The following ABCB9 variants were observed in gnomAD, a reference collection of about 807,000 sequenced individuals.
ABCB9 encodes the protein ATP binding cassette subfamily B member 9.
Under a neutral mutation model 62.0 loss-of-function variants are expected in ABCB9, and 36 were observed. The ratio of observed to expected loss-of-function variants is 0.58; its 90% CI spans 0.45 to 0.77. The LOEUF is 0.77. ABCB9 is among the 30% of genes least tolerant of loss of function. The probability of loss-of-function intolerance (pLI) is 0.00; values close to 1 mark genes in which losing one functional copy is unlikely to be tolerated. For synonymous variants in ABCB9, 435 were observed against 461.4 expected, an observed-to-expected ratio of 0.94 and a Z score of 0.73; for missense variants, 943 against 1,054.7, an observed-to-expected ratio of 0.89 and a Z score of 1.47.
At chr12:122,920,423 A>G (rs1593944918), downstream of ABCB9, among the ~76,000 whole-genome samples, 3 of 151,796 alleles carry the variant, frequency 2.0e-5, no homozygotes, top group East Asian at 5.8e-4. Context: ...ATAAGCCTAT[A>G]AACCTGTCCC....
Position 122,940,385 on chromosome 12 carries a change from C to T in ABCB9, c.1570-101G>A. On this transcript the variant is annotated intron_variant, in intron 8 of 11. Coordinates refer to ENST00000280560, the MANE Select transcript of ABCB9 (RefSeq NM_019625.4). This position sits in a 1 kb window ranked among gnomAD's most constrained non-coding sequence, Gnocchi z 4.8. ...GGTGGGTGCCCTTCCCAGCCCACCC[C>T]ATGTGCCTCTCCCTCGCTTGGGCAC... 1.4e-6 allele frequency: 2 copies of T among 1,381,910 alleles called. No individual in the cohort carries two copies. The highest frequency in any genetic ancestry group is 2.0e-6 in the Non-Finnish European group (2 of 1,025,474). The allele number at this position is 1,381,910 out of a possible 1,614,324, so 85.6% of individuals were successfully genotyped here. A position where few individuals can be genotyped will look rare whatever the true frequency, so the allele number is the denominator to read the frequency against.
At position 122,953,971 on chromosome 12, in the gene ABCB9, G is replaced by A. The variant is rs145177620; in HGVS notation, c.602-3406C>T. On this transcript the variant is annotated intron_variant, in intron 2 of 11. Transcript: ENST00000280560. Reference sequence around the variant, plus strand: ...GAGGCTCAGAGAGATTAAGTCACTTGCCCAAGTTTATACATTTGGTTTGCC... The same window carrying A: ...GAGGCTCAGAGAGATTAAGTCACTTACCCAAGTTTATACATTTGGTTTGCC... 1.2e-3 allele frequency among the ~76,000 whole-genome samples: 180 copies of A among 152,264 alleles called. 1 individual carries two copies. The highest frequency in any genetic ancestry group is 3.8e-3 in the Admixed American group (58 of 15,288).
At chr12:122,956,566 G>A (rs1594058903) in intron 2 of ABCB9, among the ~76,000 whole-genome samples, 1 of 152,190 alleles carries the variant, frequency 6.6e-6, no homozygotes, top group Non-Finnish European at 1.5e-5. Flanking sequence ...TGTCACTCAG[G>A]CTGGAGTGCA....
chr12:122,953,874 G>A (rs2036488961), intron 2 of ABCB9, among the ~76,000 whole-genome samples: 1 of 152,110 alleles, frequency 6.6e-6, no homozygotes, highest in African/African-American at 2.4e-5. Flanking sequence ...AGGCCACCCA[G>A]TAATCCTATA....
At position 122,943,922 on chromosome 12, in the gene ABCB9, C is replaced by T. The variant is rs142290400; in HGVS notation, c.1380+469G>A. Reference sequence around the variant, plus strand: ...TCCTGAGGACCTGGGATTACAGGCACATGCCACCATACTCGGCTTGCCTAT... The same window carrying T: ...TCCTGAGGACCTGGGATTACAGGCATATGCCACCATACTCGGCTTGCCTAT... On this transcript the variant is annotated intron_variant, in intron 7 of 11. Transcript: ENST00000280560. 6.1e-3 allele frequency among the ~76,000 whole-genome samples: 922 copies of T among 152,130 alleles called. 13 individuals are homozygous for T. Among genetic ancestry groups the T allele is most frequent in the South Asian group, 0.041 (198 of 4,816 alleles).
In ABCB9 at chr12:122,964,236, C is replaced by T. The variant is rs902291507; in HGVS notation, c.-88+2051G>A. The stretch of plus-strand genomic sequence containing the variant: ...CAGGGGCTTGGCTGACTCTCCCAAC[C>T]TGACTCCCAGCCTCTGGGGGAATTC... On this transcript the variant is annotated intron_variant, in intron 1 of 11. Transcript: ENST00000280560. This position sits in a 1 kb window ranked among gnomAD's most constrained non-coding sequence, Gnocchi z 4.7. 6.6e-6 allele frequency among the ~76,000 whole-genome samples: 1 copy of T among 152,222 alleles called. No homozygotes were observed. Among genetic ancestry groups the T allele is most frequent in the African/African-American group, 2.4e-5 (1 of 41,450 alleles).
At position 122,932,269 on chromosome 12, in the gene ABCB9, G is replaced by A. The variant is rs1230235878; in HGVS notation, c.1963C>T (p.Arg655Trp). 6.4e-6 allele frequency: 10 copies of A among 1,551,492 alleles called. No homozygotes were observed. Among genetic ancestry groups the A allele is most frequent in the South Asian group, 3.6e-5 (3 of 84,046 alleles). ...GGQKQRVAMA[R>W]ALVRNPPVLI... ...ACTGGGGGGTTCCGCACCAGAGCCC[G>A]GGCCATGGCCACCCGCTGCTTCTGG... The change falls in exon 11 of 12, where the codon CGG (arginine) becomes TGG (tryptophan). Residue 655 changes from arginine (R) to tryptophan (W), a missense_variant. Coordinates refer to ENST00000280560, the MANE Select transcript of ABCB9 (RefSeq NM_019625.4). The surrounding 1 kb of genome is among the most constrained non-coding windows in gnomAD (Gnocchi z 4.7).
In ABCB9 at chr12:122,944,444, C is replaced by T. The variant is rs147318444; in HGVS notation, c.1327G>A (p.Gly443Ser). ...HLVISGQMTS[G>S]NLIAFIIYEF... is the part of the protein sequence containing the mutation. ...TAGATGATGAAGGCGATGAGGTTGC[C>T]GCTGGTCATCTGGCCTGAGATGACA... Residue 443 changes from glycine (G) to serine (S), a missense_variant, in exon 7 of 12, where the codon GGC becomes AGC. Physicochemically the swap from Gly to Ser is moderately conservative, Grantham distance 56. Transcript: ENST00000280560. This position sits in a 1 kb window ranked among gnomAD's most constrained non-coding sequence, Gnocchi z 4.9. 174 of 1,614,008 alleles carry T rather than the reference C, an allele frequency of 1.1e-4. No individual in the cohort carries two copies. In the Middle Eastern group the frequency reaches 1.2e-3, roughly 11 times the overall value.
Position 122,929,716 on chromosome 12 carries a change from G to A in ABCB9, c.*195C>T, listed in dbSNP as rs764321064. 1.5e-6 allele frequency: 2 copies of A among 1,346,736 alleles called. No individual in the cohort carries two copies. Among genetic ancestry groups the A allele is most frequent in the Admixed American group, 3.1e-5 (1 of 32,596 alleles). 83.4% of individuals were successfully genotyped at this position (1,346,736 alleles called of 1,614,324 possible). ...TCCGTGAAGGCGTTGGCTCAGGGCA[G>A]CAGGGGTAAGGAGTGCCCTGGGAAT... On this transcript the variant is annotated 3_prime_UTR_variant, in exon 12 of 12. Transcript: ENST00000280560. This position sits in a 1 kb window ranked among gnomAD's most constrained non-coding sequence, Gnocchi z 6.0.
At chr12:122,939,286 G>C (rs2035616782) in intron 9 of ABCB9, among the ~76,000 whole-genome samples, 1 of 152,218 alleles carries the variant, frequency 6.6e-6, no homozygotes, top group Admixed American at 6.5e-5. Flanking sequence ...TCTGTCCCCA[G>C]CCTCAACCTG....
Position 122,973,608 on chromosome 12 carries a change from AAC to A in ABCB9, c.-88+1105_-88+1106del, listed in dbSNP as rs1491082431. Among the ~76,000 whole-genome samples the A allele has an allele frequency of 3.2e-3, 419 of 132,990 alleles. 7 individuals carry two copies. The highest frequency in any genetic ancestry group is 8.1e-3 in the Middle Eastern group (2 of 246). 87.2% of individuals were successfully genotyped at this position (132,990 alleles called of 152,430 possible). A position where few individuals can be genotyped will look rare whatever the true frequency, so the allele number is the denominator to read the frequency against. ...AAAAAAAAAAAAAAAAAAAAAAAAA[AAC>A]AAAAACTTTGGGAGGCCGAGGCAGG... On this transcript the variant is annotated intron_variant, in intron 1 of 11. Coordinates refer to the ABCB9 transcript ENST00000392439.
chr12:122,939,507 G>C (rs2035631054), intron 9 of ABCB9: 1 of 152,630 alleles, frequency 6.6e-6, no homozygotes, highest in African/African-American at 2.4e-5. Context: ...CGGGGGGTAG[G>C]AGGCTTCTGG....
chr12:122,942,136 C>T (rs1241893387), intron 7 of ABCB9, among the ~76,000 whole-genome samples: 1 of 152,128 alleles, frequency 6.6e-6, no homozygotes, highest in East Asian at 1.9e-4. Flanking sequence ...GTCACAGAGC[C>T]TAGAAGTGGC....
Position 122,948,713 on chromosome 12 carries a change from A to G in ABCB9, c.964T>C (p.Phe322Leu). The change falls in exon 5 of 12, where the codon TTC (phenylalanine) becomes CTC (leucine). Residue 322 changes from phenylalanine to leucine, a missense_variant. Physicochemically the swap from Phe to Leu is conservative, Grantham distance 22 (BLOSUM62 0). Coordinates refer to ENST00000280560, the MANE Select transcript of ABCB9 (RefSeq NM_019625.4). Reference protein sequence around the residue: ...VKVTGVVVFMFSLSWQLSLVT... With the variant: ...VKVTGVVVFMLSLSWQLSLVT... ...AAGGAGAGCTGCCATGAGAGGCTGA[A>G]CATGAAGACCACCACGCCCGTGACC... 1 of 1,614,102 alleles carries G rather than the reference A, an allele frequency of 6.2e-7. No homozygotes were observed. Among genetic ancestry groups the G allele is most frequent in the South Asian group, 1.1e-5 (1 of 91,078 alleles).
exon 1 of ABCB9, chr12:122,974,814 G>A (rs1273160764): frequency 1.3e-5 from 2 of 157,684 alleles, no homozygotes; most frequent in African/African-American, 4.8e-5. Context: ...AACGTACAGG[G>A]CTGGATGATT....
chr12:122,940,381 AC>A lies in ABCB9; in HGVS notation c.1570-98del. On this transcript the variant is annotated intron_variant, in intron 8 of 11. Transcript: ENST00000280560. The surrounding 1 kb of genome is among the most constrained non-coding windows in gnomAD (Gnocchi z 4.8). The stretch of plus-strand genomic sequence containing the variant: ...CACAGGTGGGTGCCCTTCCCAGCCC[AC>A]CCCATGTGCCTCTCCCTCGCTTGGG... 1.4e-6 allele frequency: 2 copies of A among 1,408,662 alleles called. No individual in the cohort carries two copies. The highest frequency in any genetic ancestry group is 1.9e-6 in the Non-Finnish European group (2 of 1,050,138). The allele number at this position is 1,408,662 out of a possible 1,614,324, so 87.3% of individuals were successfully genotyped here.
chr12:122,961,104 T>G (rs1344499011), intron 1 of ABCB9, among the ~76,000 whole-genome samples: 2 of 149,306 alleles, frequency 1.3e-5, no homozygotes, highest in East Asian at 2.0e-4. Flanking sequence ...AGATAAGGGT[T>G]GTGGTGGAAA....
intron 7 of ABCB9, among the ~76,000 whole-genome samples, chr12:122,942,344 T>C (rs1195733483): frequency 6.6e-6 from 1 of 151,792 alleles, no homozygotes; most frequent in African/African-American, 2.4e-5. Flanking sequence ...TCCCAGCACT[T>C]TGGGAGGCGG....
chr12:122,919,707 C>T (rs2034700781), downstream of ABCB9, among the ~76,000 whole-genome samples: 1 of 151,984 alleles, frequency 6.6e-6, no homozygotes, highest in Admixed American at 6.6e-5. Flanking sequence ...TCTTAGTCTC[C>T]ACTGTGACCC....
Sources: gnomAD v4.1 joint callset for allele counts (sites outside exome capture counted in the v4.1 genomes callset) on GRCh38, gnomAD v4.1.1 for gene constraint, Gnocchi (gnomAD v3.1) non-coding constraint, MANE v1.5 for transcripts, NCBI Gene and HGNC (gene_info 2026-07-23, HGNC 2026-07-21) for gene names.